Variants in NBAS observed in about 807,000 individuals in gnomAD.
NBAS encodes NBAS subunit of NRZ tethering complex.
Under a neutral mutation model 302.5 loss-of-function variants are expected in NBAS, and 219 were observed. The ratio of observed to expected loss-of-function variants is 0.72; its 90% CI spans 0.65 to 0.81. The LOEUF is 0.81. NBAS is among the 30% of genes least tolerant of loss of function. NBAS has a pLI of 0.00. For missense variants in NBAS, 2,932 were observed against 2,841.6 expected (o/e 1.03, Z -0.72); for synonymous variants, 1,118 against 1,021.6 (o/e 1.09, Z -1.80).
chr2:15,064,700 C>T, the NBAS span, among the ~76,000 whole-genome samples: 2,553 of 152,180 alleles, frequency 0.017, 67 homozygotes, highest in African/African-American at 0.059. Context: ...GAAGAGGGAA[C>T]GCTTCCTAAA....
chr2:15,177,168 A>G (rs1664583143), intron 51 of NBAS, among the ~76,000 whole-genome samples: 1 of 152,212 alleles, frequency 6.6e-6, no homozygotes, highest in Non-Finnish European at 1.5e-5. Flanking sequence ...TTCGTGCGCT[A>G]TCATCACAAC....
the NBAS span, among the ~76,000 whole-genome samples, chr2:14,988,764 A>G: frequency 1.3e-5 from 2 of 152,202 alleles, no homozygotes; most frequent in Non-Finnish European, 2.9e-5. Context: ...CTGCCTATTA[A>G]GTAAAAATTT....
chr2:14,826,320 C>G, the NBAS span, among the ~76,000 whole-genome samples: 1 of 152,052 alleles, frequency 6.6e-6, no homozygotes, highest in Non-Finnish European at 1.5e-5. Context: ...ATTAGTTGTG[C>G]TTTTCTATTT....
chr2:14,830,489 GC>G, the NBAS span, among the ~76,000 whole-genome samples: 1 of 152,148 alleles, frequency 6.6e-6, no homozygotes, highest in African/African-American at 2.4e-5. Flanking sequence ...AAGAAGAGCA[GC>G]ATTGTTGGAT....
At chr2:15,242,096 T>A (rs1667891269) in intron 44 of NBAS, among the ~76,000 whole-genome samples, 1 of 152,204 alleles carries the variant, frequency 6.6e-6, no homozygotes, top group African/African-American at 2.4e-5. Context: ...TCCAAGTGCA[T>A]AACCCACCTA....
chr2:15,391,314 A>G (rs1675589414), intron 28 of NBAS, among the ~76,000 whole-genome samples: 1 of 152,122 alleles, frequency 6.6e-6, no homozygotes, highest in Admixed American at 6.5e-5. Context: ...ACTGTTTAAC[A>G]TACGTTCAAA....
At chr2:15,103,570 A>C in the NBAS span, among the ~76,000 whole-genome samples, 1 of 152,186 alleles carries the variant, frequency 6.6e-6, no homozygotes, top group Non-Finnish European at 1.5e-5. Flanking sequence ...TTTTGGGAAG[A>C]TGGACCGTGT....
intron 5 of NBAS, among the ~76,000 whole-genome samples, chr2:15,552,035 T>C (rs1664408327): frequency 6.6e-6 from 1 of 152,224 alleles, no homozygotes; most frequent in Admixed American, 6.5e-5. Context: ...AAATCTGTGA[T>C]CCTGAAATAT....
chr2:14,816,508 TG>T, the NBAS span, among the ~76,000 whole-genome samples: 1,567 of 152,342 alleles, frequency 0.01, 13 homozygotes, highest in Non-Finnish European at 0.016. Context: ...GAAGTTTTCT[TG>T]GGACTGGTCT....
the NBAS span, among the ~76,000 whole-genome samples, chr2:14,993,862 T>C: frequency 6.6e-6 from 1 of 152,262 alleles, no homozygotes; most frequent in East Asian, 1.9e-4. Context: ...GCCAAACCAA[T>C]AAATATCTAT....
At chr2:15,491,404 C>T (rs1680847858) in intron 11 of NBAS, among the ~76,000 whole-genome samples, 1 of 152,216 alleles carries the variant, frequency 6.6e-6, no homozygotes, top group South Asian at 2.1e-4. Flanking sequence ...ACCATACTTC[C>T]ACAACTATCC....
At chr2:15,525,381 A>C (rs977861310) in intron 9 of NBAS, among the ~76,000 whole-genome samples, 3 of 152,238 alleles carry the variant, frequency 2.0e-5, no homozygotes, top group Non-Finnish European at 4.4e-5. Context: ...AATGTGGTCC[A>C]GAAAGAGTAA....
At chr2:15,309,990 C>A (rs1214828552) in intron 38 of NBAS, among the ~76,000 whole-genome samples, 2 of 152,084 alleles carry the variant, frequency 1.3e-5, no homozygotes, top group African/African-American at 4.8e-5. Context: ...AATATGAATC[C>A]TTTATTTTTA....
At chr2:14,989,750 T>G in the NBAS span, among the ~76,000 whole-genome samples, 1 of 152,082 alleles carries the variant, frequency 6.6e-6, no homozygotes, top group African/African-American at 2.4e-5. Flanking sequence ...AATTGACATG[T>G]AGAAAAACTG....
chr2:15,521,912 T>C (rs1033238911), intron 9 of NBAS, among the ~76,000 whole-genome samples: 2 of 152,364 alleles, frequency 1.3e-5, no homozygotes, highest in East Asian at 3.9e-4. Flanking sequence ...TTAGTAGTTA[T>C]AGCAGAGACC....
chr2:15,097,932 T>A, the NBAS span, among the ~76,000 whole-genome samples: 30 of 13,400 alleles, frequency 2.2e-3, no homozygotes, highest in South Asian at 7.0e-3. Context: ...TTATATATAT[T>A]ACATATATAT....
intron 27 of NBAS, among the ~76,000 whole-genome samples, chr2:15,395,277 TCTCAATTTTA>T (rs1675814802): frequency 6.6e-6 from 1 of 152,108 alleles, no homozygotes. Context: ...AGCTATCTCT[TCTCAATTTTA>T]CTAGAGAAAT....
At chr2:14,833,521 C>A in the NBAS span, among the ~76,000 whole-genome samples, 1 of 151,942 alleles carries the variant, frequency 6.6e-6, no homozygotes, top group African/African-American at 2.4e-5. Flanking sequence ...CTGGTACATA[C>A]GTGATCAATA....
chr2:15,280,806 G>T (rs1669792213), intron 42 of NBAS, among the ~76,000 whole-genome samples: 1 of 152,250 alleles, frequency 6.6e-6, no homozygotes, highest in South Asian at 2.1e-4. Flanking sequence ...ATTGACTACT[G>T]AGCAACAAGA....
Sources: gnomAD v4.1 joint callset for allele counts (sites outside exome capture counted in the v4.1 genomes callset) on GRCh38, gnomAD v4.1.1 for gene constraint, MANE v1.5 for transcripts, NCBI Gene and HGNC (gene_info 2026-07-23, HGNC 2026-07-21) for gene names.